Variants in PVT1 observed in about 807,000 individuals in gnomAD.
The protein encoded by PVT1 is Pvt1 oncogene.
chr8:127,842,683 GT>G (rs1191211938), intron 2 of PVT1, among the ~76,000 whole-genome samples: 1 of 152,150 alleles, frequency 6.6e-6, no homozygotes, highest in African/African-American at 2.4e-5. Flanking sequence ...TCCAAAGAGG[GT>G]GAGACAGGGC....
intron 4 of PVT1, among the ~76,000 whole-genome samples, chr8:128,027,249 C>T (rs1239611853): frequency 6.6e-6 from 1 of 152,170 alleles, no homozygotes; most frequent in East Asian, 1.9e-4. Flanking sequence ...TGTTGTATTC[C>T]CCGGCAGCAC....
At chr8:127,867,282 G>A (rs1029089411) in intron 2 of PVT1, among the ~76,000 whole-genome samples, 6 of 152,248 alleles carry the variant, frequency 3.9e-5, no homozygotes, top group Admixed American at 3.9e-4. Context: ...AGGGGTCCAA[G>A]CCGCCACAGC....
chr8:127,807,759 ATTTTTCTT>A (rs1433748379), intron 2 of PVT1, among the ~76,000 whole-genome samples: 1 of 151,782 alleles, frequency 6.6e-6, no homozygotes, highest in African/African-American at 2.4e-5. Context: ...GGTTCTTTGA[ATTTTTCTT>A]TTTTTCTTTT....
rs1396328600 is a variant in PVT1 at position 127,922,276 on chromosome 8, A to C, written n.782+31278A>C. ...CTTTATTTCTTTTTCCAAGATACCC[A>C]CCCCCCCCCCCACCAAGGAGGGCTA... On this transcript the variant is annotated intron_variant and non_coding_transcript_variant, in intron 3 of 10. Coordinates refer to ENST00000651587, the Ensembl canonical transcript of PVT1. Among the ~76,000 whole-genome samples the C allele has an allele frequency of 9.4e-3, 1,049 of 111,884 alleles. 1 individual carries two copies. The highest frequency in any genetic ancestry group is 0.016 in the African/African-American group (451 of 28,422). The allele number at this position is 111,884 out of a possible 152,430, so 73.4% of individuals were successfully genotyped here.
intron 4 of PVT1, among the ~76,000 whole-genome samples, chr8:128,039,323 G>T (rs1210588029): frequency 6.6e-6 from 1 of 152,120 alleles, no homozygotes; most frequent in Non-Finnish European, 1.5e-5. Flanking sequence ...ACAGTTCAGA[G>T]AACAATCCAC....
chr8:127,848,811 G>A (rs1815067734), intron 2 of PVT1, among the ~76,000 whole-genome samples: 1 of 152,240 alleles, frequency 6.6e-6, no homozygotes, highest in Admixed American at 6.5e-5. Flanking sequence ...TGTGCTCAGG[G>A]TGGTACTGGT....
intron 4 of PVT1, among the ~76,000 whole-genome samples, chr8:128,021,320 G>T: frequency 1.0e-5 from 1 of 100,266 alleles, no homozygotes; most frequent in Non-Finnish European, 2.2e-5. Context: ...TTGAGACGGA[G>T]TCTAGCTCTG....
chr8:127,969,377 G>A (rs547033485), intron 3 of PVT1, among the ~76,000 whole-genome samples: 2 of 151,990 alleles, frequency 1.3e-5, no homozygotes, highest in Non-Finnish European at 2.9e-5. Context: ...CTCCCTGGCC[G>A]AGAGCTTTTC....
At chr8:127,899,809 C>T in intron 3 of PVT1, among the ~76,000 whole-genome samples, 1 of 152,146 alleles carries the variant, frequency 6.6e-6, no homozygotes, top group East Asian at 1.9e-4. Context: ...CTCTGGCTTC[C>T]TTGGCTTTCC....
At chr8:127,874,941 T>TGG (rs1415152844) in intron 2 of PVT1, among the ~76,000 whole-genome samples, 3 of 151,814 alleles carry the variant, frequency 2.0e-5, no homozygotes, top group African/African-American at 4.9e-5. Context: ...TGTGTGGGTG[T>TGG]GTGGCCCTGG....
rs570005300 is a variant in PVT1 at position 128,075,150 on chromosome 8, G to A, written n.1114+4789G>A. On this transcript the variant is annotated intron_variant and non_coding_transcript_variant, in intron 5 of 10. Coordinates refer to ENST00000651587, the Ensembl canonical transcript of PVT1. ...CATAATACTCTTTTTTTTTCAAGAT[G>A]GCAGGCCTTGGCAGAATTGACTGGA... is the stretch of plus-strand genomic sequence containing the variant. 4.6e-5 allele frequency among the ~76,000 whole-genome samples: 7 copies of A among 151,684 alleles called. No individual in the cohort carries two copies. In the South Asian group the frequency reaches 1.5e-3, roughly 32 times the overall value.
At chr8:128,002,968 T>TCCATCTTC (rs564255495) in intron 4 of PVT1, among the ~76,000 whole-genome samples, 2 of 84,602 alleles carry the variant, frequency 2.4e-5, no homozygotes, top group African/African-American at 9.4e-5. Context: ...CCTCCCTCCC[T>TCCATCTTC]CTTCCTTCCT....
intron 3 of PVT1, among the ~76,000 whole-genome samples, chr8:127,913,400 C>T (rs1214553784): frequency 6.6e-6 from 1 of 152,208 alleles, no homozygotes; most frequent in Non-Finnish European, 1.5e-5. Context: ...AGTATAGGCC[C>T]TCCCATGTTG....
intron 2 of PVT1, among the ~76,000 whole-genome samples, chr8:127,802,449 C>T (rs1814475568): frequency 6.6e-6 from 1 of 152,134 alleles, no homozygotes; most frequent in African/African-American, 2.4e-5. Flanking sequence ...CTCCTGGGCT[C>T]CAGCAATCTG....
intron 2 of PVT1, among the ~76,000 whole-genome samples, chr8:127,818,869 T>TTC (rs899657804): frequency 4.4e-5 from 6 of 137,172 alleles, no homozygotes; most frequent in Non-Finnish European, 1.0e-4. Context: ...ACGCTGGTTA[T>TTC]TCTCTCTCTC....
intron 3 of PVT1, among the ~76,000 whole-genome samples, chr8:127,969,273 G>A (rs1816736682): frequency 6.6e-6 from 1 of 152,120 alleles, no homozygotes; most frequent in South Asian, 2.1e-4. Flanking sequence ...GGTAATCCAA[G>A]CCTCCAACCC....
intron 4 of PVT1, among the ~76,000 whole-genome samples, chr8:128,058,425 G>T (rs1043786585): frequency 6.6e-6 from 1 of 150,438 alleles, no homozygotes; most frequent in African/African-American, 2.4e-5. Flanking sequence ...GTTGTATGGT[G>T]GTATATATAT....
intron 4 of PVT1, among the ~76,000 whole-genome samples, chr8:127,991,140 C>CTTTTTT (rs35494368): frequency 8.2e-5 from 6 of 73,094 alleles, no homozygotes; most frequent in Admixed American, 1.3e-4. Flanking sequence ...TCTTTTCTTT[C>CTTTTTT]TTTTTTTTTT....
At chr8:127,923,803 C>T (rs989823590) in intron 3 of PVT1, among the ~76,000 whole-genome samples, 12 of 152,196 alleles carry the variant, frequency 7.9e-5, no homozygotes, top group African/African-American at 1.9e-4. Flanking sequence ...GGAGAGAAGG[C>T]GAGGGCCAGA....
Sources: allele counts gnomAD v4.1 joint callset (sites outside exome capture counted in the v4.1 genomes callset), GRCh38; gene constraint gnomAD v4.1.1; transcripts MANE v1.5; gene names NCBI Gene and HGNC (gene_info 2026-07-23, HGNC 2026-07-21).